Variants in AR observed in about 807,000 individuals in gnomAD.
The protein encoded by AR is dihydrotestosterone receptor.
In AR, 8 loss-of-function variants were observed where a neutral mutation model predicts 53.9. The ratio of observed to expected loss-of-function variants is 0.15; its 90% CI spans 0.09 to 0.27. The LOEUF is 0.27. Among genes scored for constraint, AR ranks in the 10% least tolerant of loss-of-function variants. AR has a pLI of 1.00. For missense variants in AR, 639 were observed against 742.5 expected, an observed-to-expected ratio of 0.86 and a Z score of 1.62; for synonymous variants, 359 against 316.4, an observed-to-expected ratio of 1.13 and a Z score of -1.43.
intron 1 of AR, among the ~76,000 whole-genome samples, chrX:67,608,810 C>G (rs769874409): frequency 9.0e-6 from 1 of 111,389 alleles, no homozygotes; most frequent in Non-Finnish European, 1.9e-5. Flanking sequence ...TTATATTAAA[C>G]ATGGTTTTAA....
Position 67,686,063 on chromosome X carries a change from C to T in AR, c.1822C>T (p.Arg608Ter), listed in dbSNP as rs886041128. Reference sequence around the variant, plus strand: ...AAATGATTGCACTATTGATAAATTCCGAAGGAAAAATTGTCCATCTTGTCG... The same window carrying T: ...AAATGATTGCACTATTGATAAATTCTGAAGGAAAAATTGTCCATCTTGTCG... Reference protein sequence around the residue: ...SRNDCTIDKFRRKNCPSCRLR... With the variant: ...SRNDCTIDKF The change falls in exon 3 of 8, where the codon CGA (arginine) becomes TGA (stop). Residue 608 changes from arginine to a stop codon, truncating the protein, a stop_gained. Coordinates refer to ENST00000374690, the MANE Select transcript of AR (RefSeq NM_000044.6). LOFTEE classifies it high-confidence loss of function. The T allele has an allele frequency of 1.7e-6, 2 of 1,209,466 alleles. No homozygotes were observed. Among genetic ancestry groups the T allele is most frequent in the Non-Finnish European group, 2.2e-6 (2 of 894,703 alleles).
In AR at chrX:67,595,890, C is replaced by T. The variant is rs772289800; in HGVS notation, c.1617-47366C>T. On this transcript the variant is annotated intron_variant, in intron 1 of 7. Transcript: ENST00000374690. ...AAATGTATGAAATCACAATGAGGGT[C>T]GCTGATATAGTTTGGATGTGTGTCC... 5.2e-4 allele frequency among the ~76,000 whole-genome samples: 58 copies of T among 111,298 alleles called. 1 individual carries two copies. The South Asian group carries it at 0.021, about 41-fold the overall frequency.
Position 67,725,812 on chromosome X carries a change from T to C in AR, c.*1971T>C, listed in dbSNP as rs2076155292. The C allele has an allele frequency of 5.7e-6, 1 of 174,031 alleles. No individual in the cohort carries two copies. Among genetic ancestry groups the C allele is most frequent in the South Asian group, 3.2e-4 (1 of 3,144 alleles). The allele number at this position is 174,031 out of a possible 1,213,427, so 14.3% of individuals were successfully genotyped here. A position where few individuals can be genotyped will look rare whatever the true frequency, so the allele number is the denominator to read the frequency against. The stretch of plus-strand genomic sequence containing the variant: ...GGTCTGGTTGGTGTGGCTCCAATAC[T>C]TTGCCACCCATGAACTCAGGGTGTG... On this transcript the variant is annotated 3_prime_UTR_variant, in exon 8 of 8. Transcript: ENST00000374690.
chrX:67,651,482 T>C (rs768392699), intron 2 of AR, among the ~76,000 whole-genome samples: 1 of 111,113 alleles, frequency 9.0e-6, no homozygotes, highest in South Asian at 3.8e-4. Flanking sequence ...CATCAACAGG[T>C]AGTAAATAAT....
chrX:67,553,097 T>C (rs1193148753), intron 1 of AR, among the ~76,000 whole-genome samples: 1 of 112,101 alleles, frequency 8.9e-6, no homozygotes, highest in Non-Finnish European at 1.9e-5. Context: ...TTTTCTGTTT[T>C]GGCTTATGAT....
chrX:67,568,946 C>T (rs978985277), intron 1 of AR: 1 of 1,209,718 alleles, frequency 8.3e-7, no homozygotes. Context: ...GGACTTTGTA[C>T]AGGGAACCAG....
At chrX:67,637,818 A>G (rs889159247) in intron 1 of AR, among the ~76,000 whole-genome samples, 1 of 110,616 alleles carries the variant, frequency 9.0e-6, no homozygotes, top group Non-Finnish European at 1.9e-5. Context: ...TGTTTATCTG[A>G]TAACTTTTTT....
intron 2 of AR, among the ~76,000 whole-genome samples, chrX:67,676,795 G>A (rs953840929): frequency 1.8e-5 from 2 of 111,665 alleles, no homozygotes; most frequent in Non-Finnish European, 3.8e-5. Flanking sequence ...AAATGTATGG[G>A]CTTTTCCAAT....
Position 67,725,169 on chromosome X carries a change from G to A in AR, c.*1328G>A, listed in dbSNP as rs1383941174. ...GTCATCAAGCCTGTTTGCTTCTTTT[G>A]GGCATGTTCACAGATTCTCTGTTAA... On this transcript the variant is annotated 3_prime_UTR_variant, in exon 8 of 8. Transcript: ENST00000374690. 7 of 173,888 alleles carry A rather than the reference G, an allele frequency of 4.0e-5. No homozygotes were observed. Among genetic ancestry groups the A allele is most frequent in the Admixed American group, 7.9e-5 (1 of 12,687 alleles). The allele number at this position is 173,888 out of a possible 1,213,427, so 14.3% of individuals were successfully genotyped here. A position where few individuals can be genotyped will look rare whatever the true frequency, so the allele number is the denominator to read the frequency against.
chrX:67,546,852 ACACT>A (rs1285693388), intron 1 of AR, 90 bp downstream of exon 1: 1 of 1,012,174 alleles, frequency 9.9e-7, no homozygotes, highest in African/African-American at 1.9e-5. Flanking sequence ...ACCTGCGCGA[ACACT>A]CAGATTGCCC....
chrX:67,549,529 A>T (rs1929915473), intron 1 of AR, among the ~76,000 whole-genome samples: 1 of 112,020 alleles, frequency 8.9e-6, no homozygotes, highest in South Asian at 3.7e-4. Context: ...TGCAACCCTG[A>T]TGATATTTTA....
intron 1 of AR, among the ~76,000 whole-genome samples, chrX:67,571,386 A>G (rs887390589): frequency 6.3e-5 from 7 of 111,355 alleles, no homozygotes; most frequent in African/African-American, 2.3e-4. Context: ...GGGCGCAACC[A>G]TGATTTTTCT....
intron 1 of AR, among the ~76,000 whole-genome samples, chrX:67,627,300 C>A (rs1469561337): frequency 9.0e-6 from 1 of 111,534 alleles, no homozygotes; most frequent in East Asian, 2.8e-4. Flanking sequence ...CTGTTGTTTC[C>A]TGACTTTTTA....
chrX:67,700,813 GTCA>G (rs1252248303), intron 3 of AR, among the ~76,000 whole-genome samples: 5 of 112,056 alleles, frequency 4.5e-5, no homozygotes, highest in Non-Finnish European at 7.5e-5. Flanking sequence ...AGGTTCACGA[GTCA>G]TCATCCCAGG....
At chrX:67,607,074 G>T (rs762717455) in intron 1 of AR, among the ~76,000 whole-genome samples, 1 of 110,686 alleles carries the variant, frequency 9.0e-6, no homozygotes, top group South Asian at 3.9e-4. Flanking sequence ...TTCTTGCCCA[G>T]ACTGGAGTGC....
chrX:67,632,960 A>T (rs1925241716), intron 1 of AR, among the ~76,000 whole-genome samples: 1 of 111,891 alleles, frequency 8.9e-6, no homozygotes, highest in South Asian at 3.7e-4. Context: ...AACCAAATTG[A>T]GATACCGGTT....
intron 1 of AR, among the ~76,000 whole-genome samples, chrX:67,567,379 C>T (rs772010944): frequency 5.0e-4 from 56 of 111,604 alleles, no homozygotes; most frequent in African/African-American, 1.8e-3. Flanking sequence ...ACAATGTTCC[C>T]TGAGGACTAA....
At position 67,724,112 on chromosome X, in the gene AR, G is replaced by GTT; in HGVS notation, c.*272_*273dup. ...GGCTCCTATCTGTGTTTTGAATGGT[G>GTT]TTGTATGCCTTTAAATCTGTGATGA... On this transcript the variant is annotated 3_prime_UTR_variant, in exon 8 of 8. Coordinates refer to ENST00000374690, the MANE Select transcript of AR (RefSeq NM_000044.6). 2.6e-6 allele frequency: 1 copy of GTT among 379,384 alleles called. No individual in the cohort carries two copies. The allele number at this position is 379,384 out of a possible 1,213,427, so 31.3% of individuals were successfully genotyped here.
intron 1 of AR, chrX:67,569,009 C>A (rs1187830606): frequency 8.3e-7 from 1 of 1,210,564 alleles, no homozygotes. Context: ...TCCCATGATA[C>A]TCTGGCTTCA....
Sources: gnomAD v4.1 joint callset for allele counts (sites outside exome capture counted in the v4.1 genomes callset) on GRCh38, gnomAD v4.1.1 for gene constraint, MANE v1.5 for transcripts, NCBI Gene and HGNC (gene_info 2026-07-23, HGNC 2026-07-21) for gene names.